ADAMTSL1: variants seen among roughly 807,000 people sequenced by gnomAD.
ADAMTSL1 encodes the protein ADAMTS-like protein 1.
A neutral mutation model predicts 201.8 loss-of-function variants in ADAMTSL1; 126 were observed. That is an observed-to-expected ratio of 0.62 (90% CI 0.54 to 0.72). ADAMTSL1 has a LOEUF of 0.72. Ranked by LOEUF, ADAMTSL1 falls within the 30% of genes least tolerant of loss-of-function variation. ADAMTSL1 has a pLI of 0.00. For missense variants in ADAMTSL1, 2,679 were observed against 2,277.8 expected (o/e 1.18, Z -3.59); for synonymous variants, 1,121 against 903.4 (o/e 1.24, Z -4.32).
chr9:17,908,738 G>A (rs914671209), intron 1 of ADAMTSL1, among the ~76,000 whole-genome samples: 4 of 152,308 alleles, frequency 2.6e-5, no homozygotes, highest in South Asian at 2.1e-4. Flanking sequence ...GATTACAGGC[G>A]TGAGCCACTG....
chr9:17,958,174 GA>G (rs1333297421), intron 1 of ADAMTSL1, among the ~76,000 whole-genome samples: 15 of 151,988 alleles, frequency 9.9e-5, no homozygotes, highest in African/African-American at 3.4e-4. Flanking sequence ...TACTATTTAA[GA>G]AGGGATGGGT....
intron 3 of ADAMTSL1, among the ~76,000 whole-genome samples, chr9:18,535,897 G>A (rs942192607): frequency 4.6e-5 from 7 of 152,164 alleles, no homozygotes; most frequent in African/African-American, 4.8e-5. Context: ...CCCTTGACAC[G>A]CAGGGATTAT....
chr9:18,654,967 G>C (rs567550374), intron 7 of ADAMTSL1, among the ~76,000 whole-genome samples: 5 of 152,328 alleles, frequency 3.3e-5, no homozygotes, highest in African/African-American at 1.2e-4. Flanking sequence ...TTGCCTCCCT[G>C]TCCTCATGAG....
At chr9:18,194,066 G>A (rs1829078183) in intron 2 of ADAMTSL1, among the ~76,000 whole-genome samples, 1 of 152,078 alleles carries the variant, frequency 6.6e-6, no homozygotes, top group Non-Finnish European at 1.5e-5. Context: ...ACCTACTGAA[G>A]AGGACAGTTG....
intron 23 of ADAMTSL1, among the ~76,000 whole-genome samples, chr9:18,852,244 C>T (rs1234821228): frequency 1.3e-5 from 2 of 152,198 alleles, no homozygotes; most frequent in African/African-American, 4.8e-5. Context: ...TATGGAAGTC[C>T]TCTCTGCCTT....
intron 1 of ADAMTSL1, among the ~76,000 whole-genome samples, chr9:18,115,285 TG>T (rs1381283773): frequency 2.6e-5 from 4 of 152,146 alleles, no homozygotes; most frequent in East Asian, 1.9e-4. Context: ...AAACCTTACT[TG>T]GCTGACTGTG....
At chr9:17,941,888 C>T (rs1429103941) in intron 1 of ADAMTSL1, among the ~76,000 whole-genome samples, 1 of 152,106 alleles carries the variant, frequency 6.6e-6, no homozygotes, top group Non-Finnish European at 1.5e-5. Context: ...GCTGGCTTCT[C>T]TGTGTTCTCA....
chr9:18,331,544 C>T (rs553914250), intron 2 of ADAMTSL1, among the ~76,000 whole-genome samples: 5 of 152,232 alleles, frequency 3.3e-5, no homozygotes, highest in African/African-American at 9.6e-5. Flanking sequence ...AGCAAATAAG[C>T]CCCCAGGGAC....
chr9:17,927,716 G>T (rs547708394), intron 1 of ADAMTSL1, among the ~76,000 whole-genome samples: 1 of 152,130 alleles, frequency 6.6e-6, no homozygotes, highest in African/African-American at 2.4e-5. Context: ...ATTTAGAGAT[G>T]ATTTAAAGTA....
At chr9:18,266,046 C>A (rs1832106510) in intron 2 of ADAMTSL1, among the ~76,000 whole-genome samples, 1 of 151,876 alleles carries the variant, frequency 6.6e-6, no homozygotes, top group African/African-American at 2.4e-5. Flanking sequence ...AATTTAAGAA[C>A]TTTTTAAAAT....
intron 6 of ADAMTSL1, among the ~76,000 whole-genome samples, 173 bp downstream of exon 6, chr9:18,636,190 C>T (rs1827102713): frequency 6.6e-6 from 1 of 152,048 alleles, no homozygotes; most frequent in Admixed American, 6.6e-5. Flanking sequence ...TGGCAGAAAC[C>T]CCTGTAGTAA....
intron 16 of ADAMTSL1, among the ~76,000 whole-genome samples, chr9:18,765,015 TCA>T (rs1204588938): frequency 1.3e-5 from 2 of 152,202 alleles, no homozygotes; most frequent in African/African-American, 4.8e-5. Flanking sequence ...CAACTTATGT[TCA>T]TTATCTACTT....
chr9:18,384,252 GGA>G (rs1332088181), intron 2 of ADAMTSL1, among the ~76,000 whole-genome samples: 1 of 152,042 alleles, frequency 6.6e-6, no homozygotes, highest in Admixed American at 6.6e-5. Context: ...TGGCAAAACA[GGA>G]GAGACAGCGA....
At chr9:18,896,206 A>C (rs1276836749) in intron 26 of ADAMTSL1, among the ~76,000 whole-genome samples, 2 of 152,226 alleles carry the variant, frequency 1.3e-5, no homozygotes, top group Non-Finnish European at 2.9e-5. Context: ...GAAAGACATG[A>C]ATCTACAAAT....
intron 1 of ADAMTSL1, among the ~76,000 whole-genome samples, chr9:18,114,434 A>T (rs938561496): frequency 1.3e-5 from 2 of 152,174 alleles, no homozygotes; most frequent in Non-Finnish European, 2.9e-5. Flanking sequence ...GGCTGTAGGT[A>T]TGTATTCTGA....
intron 2 of ADAMTSL1, among the ~76,000 whole-genome samples, chr9:18,211,193 G>T (rs936770448): frequency 2.0e-5 from 3 of 152,066 alleles, no homozygotes; most frequent in African/African-American, 7.2e-5. Flanking sequence ...TTTCACACTT[G>T]CCAATTCCAC....
At chr9:18,744,487 C>G (rs1318353010) in intron 15 of ADAMTSL1, among the ~76,000 whole-genome samples, 1 of 152,210 alleles carries the variant, frequency 6.6e-6, no homozygotes, top group African/African-American at 2.4e-5. Flanking sequence ...TTACTTGTTT[C>G]CCATCCTCAC....
intron 1 of ADAMTSL1, among the ~76,000 whole-genome samples, chr9:17,920,328 C>T (rs1042447051): frequency 2.6e-5 from 4 of 152,136 alleles, no homozygotes; most frequent in Non-Finnish European, 4.4e-5. Flanking sequence ...TGCGTACCCA[C>T]CCTCATAGCT....
chr9:18,425,210 C>T (rs1819153961), intron 2 of ADAMTSL1, among the ~76,000 whole-genome samples: 1 of 151,952 alleles, frequency 6.6e-6, no homozygotes, highest in South Asian at 2.1e-4. Flanking sequence ...TCTTCTCTCC[C>T]TCTCATTTTA....
Sources: gnomAD v4.1 joint callset for allele counts (sites outside exome capture counted in the v4.1 genomes callset) on GRCh38, gnomAD v4.1.1 for gene constraint, MANE v1.5 for transcripts, NCBI Gene and HGNC (gene_info 2026-07-23, HGNC 2026-07-21) for gene names.